Variants in GUCA1C observed in about 807,000 individuals in gnomAD.
GUCA1C encodes guanylyl cyclase-activating protein 3.
A neutral mutation model predicts 16.2 loss-of-function variants in GUCA1C; 15 were observed. The ratio of observed to expected loss-of-function variants is 0.93; its 90% CI spans 0.62 to 1.43. The LOEUF (loss-of-function observed/expected upper bound fraction) is 1.43, where lower values mean the gene tolerates loss of function less well. GUCA1C is among the 40% of genes most tolerant of loss of function. The pLI, the probability that GUCA1C is intolerant of heterozygous loss-of-function variation, is 0.00. For missense variants in GUCA1C, 275 were observed against 244.8 expected, an observed-to-expected ratio of 1.12 and a Z score of -0.82; for synonymous variants, 78 against 85.4, an observed-to-expected ratio of 0.91 and a Z score of 0.48.
chr3:108,913,430 T>C (rs148969813), intron 3 of GUCA1C, among the ~76,000 whole-genome samples: 8 of 152,216 alleles, frequency 5.3e-5, no homozygotes, highest in Middle Eastern at 6.8e-3. Context: ...CCTTTATTTG[T>C]AAATGAAGCA....
At chr3:108,918,373 A>G (rs1442068336) in intron 2 of GUCA1C, among the ~76,000 whole-genome samples, 2 of 152,176 alleles carry the variant, frequency 1.3e-5, no homozygotes, top group Non-Finnish European at 2.9e-5. Context: ...GATCTATGGA[A>G]AACACCCTAG....
At chr3:108,922,154 TACACAA>T (rs1165700028) in intron 1 of GUCA1C, among the ~76,000 whole-genome samples, 15 of 91,192 alleles carry the variant, frequency 1.6e-4, no homozygotes, top group African/African-American at 3.7e-4. Context: ...CACACACACA[TACACAA>T]ACACACACAC....
intron 1 of GUCA1C, among the ~76,000 whole-genome samples, chr3:108,928,827 C>T (rs1438446590): frequency 6.6e-6 from 1 of 152,190 alleles, no homozygotes; most frequent in East Asian, 1.9e-4. Flanking sequence ...ACCACACTGT[C>T]TCAATTACTA....
chr3:108,913,954 T>C (rs1946482844), intron 3 of GUCA1C, among the ~76,000 whole-genome samples: 1 of 152,002 alleles, frequency 6.6e-6, no homozygotes, highest in African/African-American at 2.4e-5. Flanking sequence ...TAGTCCCAGC[T>C]ACTTGGGAGA....
intron 3 of GUCA1C, among the ~76,000 whole-genome samples, chr3:108,910,323 C>A (rs1946436917): frequency 6.6e-6 from 1 of 151,922 alleles, no homozygotes; most frequent in Admixed American, 6.6e-5. Flanking sequence ...ATAGTGGAAC[C>A]CCATCTCTAT....
chr3:108,926,383 C>T (rs984680577), intron 1 of GUCA1C, among the ~76,000 whole-genome samples: 1 of 152,180 alleles, frequency 6.6e-6, no homozygotes, highest in Non-Finnish European at 1.5e-5. Context: ...TTTATTCTGC[C>T]ATTCTGCATC....
At chr3:108,927,103 A>G (rs1047568480) in intron 1 of GUCA1C, among the ~76,000 whole-genome samples, 1 of 152,112 alleles carries the variant, frequency 6.6e-6, no homozygotes, top group South Asian at 2.1e-4. Flanking sequence ...ATCTGCTGTT[A>G]ATCTGATAGA....
Position 108,943,981 on chromosome 3 carries a change from A to T in GUCA1C, c.204+9578T>A, listed in dbSNP as rs976227479. ...AACTTATAGAAAAAATTTTTAATTAAATAAATAAATATAATGATAAACCAA... is the reference window on the plus strand; with the variant it reads ...AACTTATAGAAAAAATTTTTAATTATATAAATAAATATAATGATAAACCAA... On this transcript the variant is annotated intron_variant, in intron 1 of 3. Coordinates refer to ENST00000261047, the MANE Select transcript of GUCA1C (RefSeq NM_005459.4). Among the ~76,000 whole-genome samples, 5 of 152,122 alleles carry T rather than the reference A, an allele frequency of 3.3e-5. No homozygotes were observed. In the East Asian group the frequency reaches 9.6e-4, roughly 29 times the overall value.
chr3:108,930,466 A>G (rs575427034), intron 1 of GUCA1C, among the ~76,000 whole-genome samples: 2 of 152,356 alleles, frequency 1.3e-5, no homozygotes, highest in East Asian at 3.9e-4. Context: ...TAAAAATAAG[A>G]TTACCACAAT....
At chr3:108,926,519 C>T (rs147653224) in intron 1 of GUCA1C, among the ~76,000 whole-genome samples, 3,615 of 152,296 alleles carry the variant, frequency 0.024, 130 homozygotes, top group African/African-American at 0.082. Context: ...CTCGCTCTGT[C>T]CCCCAGGCTG....
At chr3:108,913,307 A>G (rs569836680) in intron 3 of GUCA1C, among the ~76,000 whole-genome samples, 12 of 152,018 alleles carry the variant, frequency 7.9e-5, no homozygotes, top group Admixed American at 1.3e-4. Context: ...ATTTCTATCA[A>G]TGCTGATGTT....
At chr3:108,949,986 T>C (rs2593921) in intron 1 of GUCA1C, among the ~76,000 whole-genome samples, 54,065 of 152,074 alleles carry the variant, frequency 0.36, 10,163 homozygotes, top group Middle Eastern at 0.5. Flanking sequence ...CCAGAACTTA[T>C]TCATCCTGCA....
At chr3:108,932,130 T>G (rs1365596927) in intron 1 of GUCA1C, among the ~76,000 whole-genome samples, 2 of 151,664 alleles carry the variant, frequency 1.3e-5, no homozygotes, top group Non-Finnish European at 2.9e-5. Context: ...GATTGCAGGC[T>G]TGAGCCACCG....
At chr3:108,934,620 T>C (rs1946702992) in intron 1 of GUCA1C, among the ~76,000 whole-genome samples, 1 of 152,112 alleles carries the variant, frequency 6.6e-6, no homozygotes. Flanking sequence ...TCAACCTAGG[T>C]GCCCATCAAC....
chr3:108,916,482 A>G (rs16854931), intron 2 of GUCA1C, among the ~76,000 whole-genome samples: 3,658 of 152,320 alleles, frequency 0.024, 123 homozygotes, highest in African/African-American at 0.066. Flanking sequence ...AACAGATGCA[A>G]TGAGCCCATT....
At chr3:108,939,293 T>C (rs1354914660) in intron 1 of GUCA1C, among the ~76,000 whole-genome samples, 19 of 148,320 alleles carry the variant, frequency 1.3e-4, no homozygotes, top group Non-Finnish European at 2.8e-4. Context: ...TGGATGGTTA[T>C]ATAACTGTTA....
chr3:108,946,891 G>GAAAAA (rs10607933), intron 1 of GUCA1C, among the ~76,000 whole-genome samples: 1 of 96,398 alleles, frequency 1.0e-5, no homozygotes, highest in African/African-American at 4.0e-5. Context: ...TCAAGAATCT[G>GAAAAA]AAAAAAAAAA....
intron 1 of GUCA1C, among the ~76,000 whole-genome samples, chr3:108,939,668 G>A (rs1946766147): frequency 6.6e-6 from 1 of 151,528 alleles, no homozygotes; most frequent in African/African-American, 2.4e-5. Context: ...GTAACTAAAA[G>A]TCAGAAGAAC....
At chr3:108,916,309 G>A in intron 2 of GUCA1C, 95 bp from the exon 3 acceptor site, 1 of 1,166,452 alleles carries the variant, frequency 8.6e-7, no homozygotes, top group Non-Finnish European at 1.2e-6. Flanking sequence ...TTGGGGATGT[G>A]TTGTCGGTTG....
Sources: allele counts gnomAD v4.1 joint callset (sites outside exome capture counted in the v4.1 genomes callset), GRCh38; gene constraint gnomAD v4.1.1; transcripts MANE v1.5; gene names NCBI Gene and HGNC (gene_info 2026-07-23, HGNC 2026-07-21).